Variants in COL10A1 observed in about 807,000 individuals in gnomAD.
The protein encoded by COL10A1 is collagen type X alpha 1 chain, also known as collagen alpha-1(X) chain.
In COL10A1, 10 loss-of-function variants were observed where a neutral mutation model predicts 18.2. The ratio of observed to expected loss-of-function variants is 0.55; its 90% CI spans 0.34 to 0.93. COL10A1 has a LOEUF of 0.93. COL10A1 is among the 40% of genes least tolerant of loss of function. The pLI, the probability that COL10A1 is intolerant of heterozygous loss-of-function variation, is 0.02. For synonymous variants in COL10A1, 330 were observed against 316.6 expected (o/e 1.04, Z -0.45); for missense variants, 897 against 853.5 (o/e 1.05, Z -0.64).
rs758033215 is a variant in COL10A1 at position 116,121,795 on chromosome 6, TTTCCCTACAGCTGATGGTCC to T, written c.301_320del (p.Gly101ThrfsTer94). ...TTCCTGGGAGTCCTGGCACACCTGG[TTTCCCTACAGCTGATGGTCC>T]CGGTGGTCCTGGCAACCCTGGCTCT... On this transcript the variant is annotated frameshift_variant, in exon 3 of 3. Coordinates refer to ENST00000651968, the MANE Select transcript of COL10A1 (RefSeq NM_000493.4). LOFTEE classifies it low-confidence loss of function (END_TRUNC). 1.2e-5 allele frequency: 19 copies of T among 1,613,842 alleles called. No homozygotes were observed. The highest frequency in any genetic ancestry group is 1.6e-5 in the Non-Finnish European group (19 of 1,179,930).
chr6:116,177,640 A>G, the COL10A1 span, among the ~76,000 whole-genome samples: 5 of 152,230 alleles, frequency 3.3e-5, no homozygotes, highest in Non-Finnish European at 7.3e-5. Flanking sequence ...CTTTTTACTT[A>G]AAGGAATTTA....
At chr6:116,175,143 A>T in the COL10A1 span, among the ~76,000 whole-genome samples, 1 of 152,122 alleles carries the variant, frequency 6.6e-6, no homozygotes, top group East Asian at 1.9e-4. Context: ...ATAGAGTTTG[A>T]TGCATTCTGA....
chr6:116,203,519 A>G, the COL10A1 span, among the ~76,000 whole-genome samples: 2 of 151,870 alleles, frequency 1.3e-5, no homozygotes, highest in Non-Finnish European at 2.9e-5. Context: ...TGCTCCTATA[A>G]TGTCTCCCTG....
chr6:116,211,651 C>T, the COL10A1 span, among the ~76,000 whole-genome samples: 4 of 152,004 alleles, frequency 2.6e-5, no homozygotes, highest in Admixed American at 2.6e-4. Flanking sequence ...ATATAGAGTC[C>T]ACGAAGTATA....
chr6:116,130,610 G>A (rs1478660781), upstream of COL10A1, among the ~76,000 whole-genome samples: 3 of 152,052 alleles, frequency 2.0e-5, no homozygotes, highest in African/African-American at 7.2e-5. Context: ...TTGCTTCTGG[G>A]TTGGTCATTC....
At chr6:116,178,088 T>TGTGTGCGCGCGC in the COL10A1 span, among the ~76,000 whole-genome samples, 2 of 99,624 alleles carry the variant, frequency 2.0e-5, no homozygotes, top group African/African-American at 9.3e-5. Context: ...TGTGTGTGTG[T>TGTGTGCGCGCGC]GCGCGCGCGC....
chr6:116,120,084 C>G lies in COL10A1; in HGVS notation c.2032G>C (p.Ala678Pro), dbSNP rs757586577. The G allele has an allele frequency of 1.9e-6, 3 of 1,613,772 alleles. No homozygotes were observed. In the East Asian group the frequency reaches 6.7e-5, roughly 36 times the overall value. ...AGCTCTGTGTGTACTCACATTGGAG[C>G]CACTAGGAATCCTGAGAAAGAGGAG... Reference protein sequence around the residue: ...VHSSFSGFLVAPM With the variant: ...VHSSFSGFLVPPM Residue 678 changes from alanine to proline, a missense_variant, in exon 3 of 3, where the codon GCT becomes CCT. By Grantham distance (27) the Ala-to-Pro change is conservative. Coordinates refer to ENST00000651968, the MANE Select transcript of COL10A1 (RefSeq NM_000493.4).
chr6:116,162,297 G>C (rs2114429639), upstream of COL10A1, among the ~76,000 whole-genome samples: 1 of 152,276 alleles, frequency 6.6e-6, no homozygotes, highest in South Asian at 2.1e-4. Context: ...GCTCTGGCTA[G>C]AACTTCCATT....
chr6:116,142,284 C>CTT lies in COL10A1; in HGVS notation c.-16+16328_-16+16329dup, dbSNP rs573786007. On this transcript the variant is annotated intron_variant, in intron 1 of 1. Coordinates refer to the COL10A1 transcript ENST00000418500. ...ACTATTTGATTAAATTCTATTTTTG[C>CTT]TTTTTTTTTCAATTTATTTGGCATA... Among the ~76,000 whole-genome samples, 394 of 147,866 alleles carry CTT rather than the reference C, an allele frequency of 2.7e-3. 10 individuals are homozygous for CTT. In the South Asian group the frequency reaches 0.044, roughly 17 times the overall value.
At chr6:116,164,471 G>A in the COL10A1 span, among the ~76,000 whole-genome samples, 117 of 152,192 alleles carry the variant, frequency 7.7e-4, no homozygotes, top group South Asian at 1.7e-3. Context: ...TTGAGCTTGT[G>A]TATGTCTTTA....
the COL10A1 span, among the ~76,000 whole-genome samples, chr6:116,206,021 A>G: frequency 3.3e-5 from 5 of 152,004 alleles, no homozygotes; most frequent in African/African-American, 9.7e-5. Flanking sequence ...TGGACCATCT[A>G]GCCCAGTGTT....
chr6:116,178,375 C>A, the COL10A1 span, among the ~76,000 whole-genome samples: 1 of 152,084 alleles, frequency 6.6e-6, no homozygotes. Flanking sequence ...TTGAAGTCAG[C>A]CTTTCTTGAT....
chr6:116,140,610 C>G (rs575852990), intron 1 of COL10A1, among the ~76,000 whole-genome samples: 102 of 152,186 alleles, frequency 6.7e-4, no homozygotes, highest in African/African-American at 2.4e-3. Flanking sequence ...CCTGTGTTTC[C>G]TCATGTAGTT....
chr6:116,121,568 C>T lies in COL10A1; in HGVS notation c.548G>A (p.Gly183Asp). ...PGEKGAPGVP[G>D]MNGQKGEMGY... ...CATTTCCCCTTTCTGTCCATTCATA[C>T]CAGGGACTCCTGGTGCACCCTTTTC... The change falls in exon 3 of 3, where the codon GGT (glycine) becomes GAT (aspartate). Residue 183 changes from glycine (G) to aspartate (D), a missense_variant. Transcript: ENST00000651968. 6.2e-7 allele frequency: 1 copy of T among 1,614,100 alleles called. No homozygotes were observed. The highest frequency in any genetic ancestry group is 8.5e-7 in the Non-Finnish European group (1 of 1,179,992).
At chr6:116,198,118 T>TAAC in the COL10A1 span, among the ~76,000 whole-genome samples, 1 of 152,198 alleles carries the variant, frequency 6.6e-6, no homozygotes, top group South Asian at 2.1e-4. Flanking sequence ...CCTGTCAAAG[T>TAAC]GCTGGGTGGT....
intron 1 of COL10A1, among the ~76,000 whole-genome samples, chr6:116,132,291 T>C (rs924550142): frequency 1.3e-5 from 2 of 152,176 alleles, no homozygotes; most frequent in African/African-American, 4.8e-5. Context: ...AAAATTGGAA[T>C]CTCAGTCTAG....
chr6:116,161,086 T>C (rs1440190228), upstream of COL10A1, among the ~76,000 whole-genome samples: 1 of 150,336 alleles, frequency 6.7e-6, no homozygotes, highest in East Asian at 2.0e-4. Context: ...TAAACTATCG[T>C]AAGAACAAAA....
chr6:116,156,426 C>G (rs540400463), intron 1 of COL10A1, among the ~76,000 whole-genome samples: 1 of 152,266 alleles, frequency 6.6e-6, no homozygotes, highest in South Asian at 2.1e-4. Flanking sequence ...GTTCCATTAT[C>G]TTTGCTTTCA....
upstream of COL10A1, among the ~76,000 whole-genome samples, chr6:116,163,135 A>ATATATAT (rs1554197048): frequency 5.1e-5 from 5 of 98,542 alleles, no homozygotes; most frequent in East Asian, 3.7e-4. Flanking sequence ...TCAAAAAAAA[A>ATATATAT]AAAAAAATAT....
Sources: allele counts gnomAD v4.1 joint callset (sites outside exome capture counted in the v4.1 genomes callset), GRCh38; gene constraint gnomAD v4.1.1; transcripts MANE v1.5; gene names NCBI Gene and HGNC (gene_info 2026-07-23, HGNC 2026-07-21).